Variants in CEP164 observed in about 807,000 individuals in gnomAD.
CEP164 encodes the protein centrosomal protein 164.
CEP164 carries 162 observed loss-of-function variants against 182.7 expected under a neutral mutation model. That is an observed-to-expected ratio of 0.89 (90% CI 0.78 to 1.01). CEP164 has a LOEUF of 1.01. Ranked by LOEUF, CEP164 falls within the 50% of genes least tolerant of loss-of-function variation. The probability of loss-of-function intolerance (pLI) is 0.00; values close to 1 mark genes in which losing one functional copy is unlikely to be tolerated. For synonymous variants in CEP164, 661 were observed against 690.0 expected (o/e 0.96, Z 0.66); for missense variants, 1,735 against 1,790.4 (o/e 0.97, Z 0.56).
chr11:117,397,730 T>C, intron 27 of CEP164, among the ~76,000 whole-genome samples: 1 of 152,114 alleles, frequency 6.6e-6, no homozygotes, highest in Non-Finnish European at 1.5e-5. Context: ...GGGAGACTTA[T>C]TCACTATCAC....
chr11:117,347,522 C>T (rs1735459497), intron 4 of CEP164, among the ~76,000 whole-genome samples: 1 of 151,984 alleles, frequency 6.6e-6, no homozygotes, highest in African/African-American at 2.4e-5. Flanking sequence ...ACCAGCCTGA[C>T]CAATGTGGAG....
chr11:117,362,365 T>A, intron 6 of CEP164, 39 bp from the exon 7 acceptor site: 1 of 1,595,622 alleles, frequency 6.3e-7, no homozygotes, highest in Non-Finnish European at 8.6e-7. Flanking sequence ...CCAAAGGTCT[T>A]CCAAGTGAGT....
chr11:117,332,016 G>C (rs1177839164), intron 1 of CEP164, among the ~76,000 whole-genome samples: 1 of 148,494 alleles, frequency 6.7e-6, no homozygotes, highest in African/African-American at 2.5e-5. Context: ...GTGGAGACAG[G>C]GTCTTACTAT....
chr11:117,407,942 T>A lies in CEP164; in HGVS notation c.3519T>A (p.Asp1173Glu), dbSNP rs746686807. The change falls in exon 28 of 33, where the codon GAT (aspartate) becomes GAA (glutamate). Residue 1173 changes from aspartate (D) to glutamate (E), a missense_variant. By Grantham distance (45) the Asp-to-Glu change is conservative (BLOSUM62 2). Coordinates refer to ENST00000278935, the MANE Select transcript of CEP164 (RefSeq NM_014956.5). ...GGCTGCAGGAGACCAGGCACCTGGATGAGATGAAGTCGGCCATGCGGAAAG... is the reference window on the plus strand; with the variant it reads ...GGCTGCAGGAGACCAGGCACCTGGAAGAGATGAAGTCGGCCATGCGGAAAG... Reference protein sequence around the residue: ...KNLEKETRHLDEMKSAMRKGH... With the variant: ...KNLEKETRHLEEMKSAMRKGH... The A allele has an allele frequency of 9.4e-6, 15 of 1,596,760 alleles. No homozygotes were observed. The South Asian group carries it at 1.4e-4, about 15-fold the overall frequency.
chr11:117,344,298 GC>G, intron 4 of CEP164, 21 bp downstream of exon 4: 2 of 1,550,412 alleles, frequency 1.3e-6, no homozygotes, highest in Non-Finnish European at 1.8e-6. Context: ...AGGGGGTGCG[GC>G]CACTGACTTG....
intron 27 of CEP164, among the ~76,000 whole-genome samples, chr11:117,402,083 C>T (rs1203056318): frequency 6.6e-6 from 1 of 152,112 alleles, no homozygotes; most frequent in African/African-American, 2.4e-5. Flanking sequence ...GATTTTAGAT[C>T]TTTCCTGCTT....
At chr11:117,381,132 C>T (rs2043269891) in intron 12 of CEP164, among the ~76,000 whole-genome samples, 1 of 152,218 alleles carries the variant, frequency 6.6e-6, no homozygotes, top group South Asian at 2.1e-4. Flanking sequence ...GAGCCAGGGC[C>T]CTGCCACATC....
chr11:117,346,075 G>T (rs988110531), intron 4 of CEP164, among the ~76,000 whole-genome samples: 20 of 152,158 alleles, frequency 1.3e-4, no homozygotes, highest in Non-Finnish European at 1.6e-4. Flanking sequence ...TTGAGGTGCT[G>T]AGGGCTTCTG....
rs763544807 is a variant in CEP164 at position 117,395,738 on chromosome 11, T to C, written c.3089+16T>C. 6 of 1,597,982 alleles carry C rather than the reference T, an allele frequency of 3.8e-6. No homozygotes were observed. In the Admixed American group the frequency reaches 8.5e-5, roughly 23 times the overall value. On this transcript the variant is annotated intron_variant, in intron 24 of 32. Coordinates refer to ENST00000278935, the MANE Select transcript of CEP164 (RefSeq NM_014956.5). The stretch of plus-strand genomic sequence containing the variant: ...AACACTTCAGGTGGCGTGGGCACCC[T>C]GCACTTAGCCCTGCTGGCTGCCTCC...
intron 5 of CEP164, among the ~76,000 whole-genome samples, chr11:117,356,932 G>A (rs2040366850): frequency 6.6e-6 from 1 of 152,028 alleles, no homozygotes; most frequent in African/African-American, 2.4e-5. Context: ...CGCTAATCCT[G>A]GCATTCGTGC....
chr11:117,361,848 C>T lies in CEP164; in HGVS notation c.407C>T (p.Ser136Leu). 6.2e-7 allele frequency: 1 copy of T among 1,614,230 alleles called. No individual in the cohort carries two copies. Among genetic ancestry groups the T allele is most frequent in the Non-Finnish European group, 8.5e-7 (1 of 1,180,034 alleles). The change falls in exon 6 of 33, where the codon TCA (serine) becomes TTA (leucine). Residue 136 changes from serine to leucine, a missense_variant. By Grantham distance (145) the Ser-to-Leu change is moderately radical. Transcript: ENST00000278935. ...TCTGTTGCACAGGCCTTGGGTTCCT[C>T]ATTAGCCCCAGTTCATGTTCCTCTT... ...PPKSSLALGS[S>L]LAPVHVPLGG... is the part of the protein sequence containing the mutation.
In CEP164 at chr11:117,393,117, T is replaced by C. The variant is rs746736899; in HGVS notation, c.2607T>C (p.Tyr869=). Residue 869 remains tyrosine (Y), a synonymous_variant, in exon 20 of 33, where the codon TAT becomes TAC. Coordinates refer to ENST00000278935, the MANE Select transcript of CEP164 (RefSeq NM_014956.5). ...QQVMAKAREQ[Y]EAEERKQRAE... ...TGATGGCTAAGGCCAGAGAGCAGTATGAAGCTGAGGTAGCTCAGCCACATC... is the reference window on the plus strand; with the variant it reads ...TGATGGCTAAGGCCAGAGAGCAGTACGAAGCTGAGGTAGCTCAGCCACATC... 6.2e-6 allele frequency: 10 copies of C among 1,612,856 alleles called. No individual in the cohort carries two copies. In the East Asian group the frequency reaches 8.9e-5, roughly 14 times the overall value.
At position 117,391,059 on chromosome 11, in the gene CEP164, T is replaced by A; in HGVS notation, c.2127T>A (p.Ala709=). ...LREELESQQK[A]ERASLEQKNR... ...AAGAGTTGGAGTCTCAACAGAAGGC[T>A]GAGAGGGCCAGCTTGGAACAGAAAA... Residue 709 remains alanine (A), a synonymous_variant, in exon 17 of 33, where the codon GCT becomes GCA. Coordinates refer to ENST00000278935, the MANE Select transcript of CEP164 (RefSeq NM_014956.5). The A allele has an allele frequency of 6.2e-7, 1 of 1,614,078 alleles. No individual in the cohort carries two copies. The highest frequency in any genetic ancestry group is 1.1e-5 in the South Asian group (1 of 91,082).
chr11:117,366,797 C>G (rs2041684003), intron 8 of CEP164, among the ~76,000 whole-genome samples: 1 of 152,150 alleles, frequency 6.6e-6, no homozygotes, highest in African/African-American at 2.4e-5. Flanking sequence ...CCTTCATGCC[C>G]TGTCCCCTGT....
intron 2 of CEP164, chr11:117,336,285 A>G: frequency 6.5e-7 from 1 of 1,546,408 alleles, no homozygotes; most frequent in Non-Finnish European, 8.9e-7. Flanking sequence ...TCTTTTTATG[A>G]GCTTTCTTCA....
In CEP164 at chr11:117,409,163, G is replaced by T. The variant is rs532934684; in HGVS notation, c.3748+135G>T. 6.2e-4 allele frequency: 734 copies of T among 1,182,226 alleles called. 2 individuals carry two copies. The highest frequency in any genetic ancestry group is 5.7e-3 in the Middle Eastern group (20 of 3,498). 73.2% of individuals were successfully genotyped at this position (1,182,226 alleles called of 1,614,324 possible). On this transcript the variant is annotated intron_variant, in intron 29 of 32. Coordinates refer to ENST00000278935, the MANE Select transcript of CEP164 (RefSeq NM_014956.5). This position sits in a 1 kb window ranked among gnomAD's most constrained non-coding sequence, Gnocchi z 4.4. ...GAGCCGGTGTCTGGACTAGGTGCTC[G>T]GTCAGTGCTGGGAAGGAATCACACC...
chr11:117,361,387 C>T (rs966066118), intron 5 of CEP164, among the ~76,000 whole-genome samples: 16 of 148,772 alleles, frequency 1.1e-4, no homozygotes, highest in African/African-American at 3.7e-4. Context: ...ACTATAGGCA[C>T]CCGCCACCAC....
chr11:117,325,067 T>A (rs2035380071), upstream of CEP164, among the ~76,000 whole-genome samples: 1 of 152,092 alleles, frequency 6.6e-6, no homozygotes, highest in South Asian at 2.1e-4. Flanking sequence ...GGCCCCTCAG[T>A]GAGACCTTTA....
chr11:117,409,156 G>C lies in CEP164; in HGVS notation c.3748+128G>C. ...CCTCTGTGAGCCGGTGTCTGGACTA[G>C]GTGCTCGGTCAGTGCTGGGAAGGAA... On this transcript the variant is annotated intron_variant, in intron 29 of 32. Transcript: ENST00000278935. The surrounding 1 kb of genome is among the most constrained non-coding windows in gnomAD (Gnocchi z 4.4). 1.6e-6 allele frequency: 2 copies of C among 1,276,630 alleles called. No homozygotes were observed. The highest frequency in any genetic ancestry group is 2.2e-6 in the Non-Finnish European group (2 of 924,370). 79.1% of individuals were successfully genotyped at this position (1,276,630 alleles called of 1,614,324 possible). A position where few individuals can be genotyped will look rare whatever the true frequency, so the allele number is the denominator to read the frequency against.
Sources: gnomAD v4.1 joint callset for allele counts (sites outside exome capture counted in the v4.1 genomes callset) on GRCh38, gnomAD v4.1.1 for gene constraint, Gnocchi (gnomAD v3.1) non-coding constraint, MANE v1.5 for transcripts, NCBI Gene and HGNC (gene_info 2026-07-23, HGNC 2026-07-21) for gene names.